Variants in DOP1B observed in about 807,000 individuals in gnomAD.
DOP1B encodes the protein DOP1 leucine zipper like protein B, also known as protein DOP1B.
Under a neutral mutation model 233.5 loss-of-function variants are expected in DOP1B, and 174 were observed. That is an observed-to-expected ratio of 0.75 (90% CI 0.66 to 0.85). The LOEUF (loss-of-function observed/expected upper bound fraction) is 0.85. DOP1B is among the 40% of genes least tolerant of loss of function. DOP1B has a pLI of 0.00. For synonymous variants in DOP1B, 1,190 were observed against 1,185.6 expected (o/e 1.00, Z -0.08); for missense variants, 2,652 against 2,846.6 (o/e 0.93, Z 1.56).
chr21:36,260,889 C>G (rs2067161838), intron 24 of DOP1B, 157 bp downstream of exon 24: 2 of 1,454,160 alleles, frequency 1.4e-6, no homozygotes, highest in Non-Finnish European at 1.8e-6. Flanking sequence ...AGGTATTGAT[C>G]TATGCTTTTC....
intron 26 of DOP1B, among the ~76,000 whole-genome samples, chr21:36,265,409 CA>C (rs3838086): frequency 0.17 from 26,446 of 152,038 alleles, 3,216 homozygotes; most frequent in African/African-American, 0.33. Flanking sequence ...AAACAAAAAA[CA>C]AAAAAACAAA....
In DOP1B at chr21:36,245,607, G is replaced by C. The variant is rs769862800; in HGVS notation, c.3627G>C (p.Arg1209Ser). 6 of 1,613,368 alleles carry C rather than the reference G, an allele frequency of 3.7e-6. No individual in the cohort carries two copies. Among genetic ancestry groups the C allele is most frequent in the Non-Finnish European group, 5.1e-6 (6 of 1,179,856 alleles). ...AGCTCCAGGCCCTCACCACATCCAG[G>C]CTGCTAAAGCAGCAGCGGGAAAGGC... The part of the protein sequence containing the change: ...DLELQALTTS[R>S]LLKQQRERQE... The change falls in exon 19 of 37, where the codon AGG becomes AGC. Residue 1209 changes from arginine to serine, a missense_variant. Physicochemically the swap from Arg to Ser is moderately radical, Grantham distance 110. This residue lies in a region of DOP1B where 2,617 missense variants were observed against 2,794.3 expected (regional missense o/e 0.94). Transcript: ENST00000691173. This position sits in a 1 kb window ranked among gnomAD's most constrained non-coding sequence, Gnocchi z 5.5.
At chr21:36,241,355 C>T (rs2066889372) in intron 18 of DOP1B, among the ~76,000 whole-genome samples, 1 of 151,772 alleles carries the variant, frequency 6.6e-6, no homozygotes, top group Non-Finnish European at 1.5e-5. Flanking sequence ...ACTTCAAAGA[C>T]AGTTATAAGC....
At chr21:36,209,527 G>A (rs951658239) in intron 5 of DOP1B, among the ~76,000 whole-genome samples, 18 of 152,288 alleles carry the variant, frequency 1.2e-4, no homozygotes, top group African/African-American at 3.8e-4. Flanking sequence ...CTGCATTGGC[G>A]GGTCTTTGTT....
intron 1 of DOP1B, among the ~76,000 whole-genome samples, chr21:36,163,411 G>A (rs946106842): frequency 4.6e-5 from 7 of 151,690 alleles, no homozygotes; most frequent in Admixed American, 4.6e-4. Context: ...GGTCTGGAGT[G>A]ATCGGAAATT....
intron 2 of DOP1B, among the ~76,000 whole-genome samples, chr21:36,186,216 G>A (rs397835330): frequency 6.8e-5 from 10 of 148,096 alleles, no homozygotes; most frequent in African/African-American, 2.3e-4. Context: ...AAAAAAAAAA[G>A]AAGTAATTTT....
At chr21:36,262,233 C>T (rs1200832888) in intron 24 of DOP1B, among the ~76,000 whole-genome samples, 2 of 152,156 alleles carry the variant, frequency 1.3e-5, no homozygotes, top group Non-Finnish European at 2.9e-5. Context: ...ATATATATTG[C>T]GTTGCTGGCG....
At chr21:36,290,973 A>C (rs1601488501) in intron 35 of DOP1B, among the ~76,000 whole-genome samples, 1 of 147,314 alleles carries the variant, frequency 6.8e-6, no homozygotes, top group African/African-American at 2.5e-5. Flanking sequence ...CCCCCTCAAA[A>C]AAAAAAGAGG....
At chr21:36,256,635 C>T (rs111866361) in intron 23 of DOP1B, among the ~76,000 whole-genome samples, 4,572 of 152,046 alleles carry the variant, frequency 0.03, 221 homozygotes, top group African/African-American at 0.1. Flanking sequence ...TACTCAGCCT[C>T]GAGAGGAATG....
chr21:36,293,706 G>T lies in DOP1B; in HGVS notation c.*135G>T. The T allele has an allele frequency of 9.5e-7, 1 of 1,050,954 alleles. No homozygotes were observed. Among genetic ancestry groups the T allele is most frequent in the Non-Finnish European group, 1.4e-6 (1 of 724,422 alleles). The allele number at this position is 1,050,954 out of a possible 1,614,324, so 65.1% of individuals were successfully genotyped here. On this transcript the variant is annotated 3_prime_UTR_variant, in exon 37 of 37. Coordinates refer to ENST00000691173, the MANE Select transcript of DOP1B (RefSeq NM_001320714.2). ...CATTTTGAAAGTAGATTTCAGGCTA[G>T]GTGCGGTGGCTCACACCTGTAATCT...
At chr21:36,182,445 G>A (rs2066110593) in intron 2 of DOP1B, among the ~76,000 whole-genome samples, 1 of 152,108 alleles carries the variant, frequency 6.6e-6, no homozygotes, top group Non-Finnish European at 1.5e-5. Context: ...GAGATATGGC[G>A]GGAAGGCTGC....
Position 36,245,590 on chromosome 21 carries a change from G to A in DOP1B, c.3610G>A (p.Ala1204Thr). ...CGAGGAGGCGGACTTGGAGCTCCAG[G>A]CCCTCACCACATCCAGGCTGCTAAA... is the stretch of plus-strand genomic sequence containing the variant. The part of the protein sequence containing the change: ...SDEEADLELQ[A>T]LTTSRLLKQQ... The change falls in exon 19 of 37, where the codon GCC (alanine) becomes ACC (threonine). Residue 1204 changes from alanine (A) to threonine (T), a missense_variant. This residue lies in a region of DOP1B where 2,617 missense variants were observed against 2,794.3 expected (regional missense o/e 0.94). Transcript: ENST00000691173. This position sits in a 1 kb window ranked among gnomAD's most constrained non-coding sequence, Gnocchi z 5.5. 6.2e-7 allele frequency: 1 copy of A among 1,613,334 alleles called. No individual in the cohort carries two copies. Among genetic ancestry groups the A allele is most frequent in the Non-Finnish European group, 8.5e-7 (1 of 1,179,904 alleles).
intron 32 of DOP1B, among the ~76,000 whole-genome samples, chr21:36,283,936 CTTTTTTTTTTTT>C (rs547999186): frequency 6.9e-5 from 7 of 100,998 alleles, no homozygotes; most frequent in African/African-American, 2.4e-4. Context: ...ACACCTGTTC[CTTTTTTTTTTTT>C]TTTTTTTTTT....
chr21:36,280,371 A>C, intron 31 of DOP1B, 25 bp downstream of exon 31: 1 of 1,535,612 alleles, frequency 6.5e-7, no homozygotes, highest in Non-Finnish European at 9.0e-7. Context: ...ACTTTTGCAT[A>C]ACTCACACTT....
chr21:36,236,418 C>G (rs1425342578), intron 15 of DOP1B, among the ~76,000 whole-genome samples: 1 of 152,240 alleles, frequency 6.6e-6, no homozygotes, highest in African/African-American at 2.4e-5. Flanking sequence ...GTAGGCGTGG[C>G]TCTTTATCCA....
intron 23 of DOP1B, among the ~76,000 whole-genome samples, chr21:36,260,116 A>G (rs568818491): frequency 6.7e-6 from 1 of 149,854 alleles, no homozygotes; most frequent in South Asian, 2.1e-4. Context: ...AGATTGCACC[A>G]GTGTACTCCA....
chr21:36,203,074 T>C (rs1380682776), intron 4 of DOP1B, among the ~76,000 whole-genome samples: 2 of 152,282 alleles, frequency 1.3e-5, no homozygotes, highest in Non-Finnish European at 2.9e-5. Flanking sequence ...TGGAGTGTTT[T>C]TGTTTTCTTA....
At position 36,200,966 on chromosome 21, in the gene DOP1B, CTT is replaced by C. The variant is rs137972998; in HGVS notation, c.491+466_491+467del. Among the ~76,000 whole-genome samples the C allele has an allele frequency of 5.7e-3, 875 of 152,260 alleles. 7 individuals carry two copies. Among genetic ancestry groups the C allele is most frequent in the African/African-American group, 0.02 (832 of 41,532 alleles). On this transcript the variant is annotated intron_variant, in intron 4 of 36. Transcript: ENST00000691173. ...TTTCAAATTCCTCCCGGGAATCTCT[CTT>C]GTCTCTTTACCAAAGGGGAAGTCCC...
intron 17 of DOP1B, 113 bp downstream of exon 17, chr21:36,238,814 C>A (rs2066856925): frequency 1.5e-5 from 15 of 1,007,802 alleles, no homozygotes; most frequent in South Asian, 2.8e-5. Context: ...AAAACATGAA[C>A]CCATATGACC....
Sources: gnomAD v4.1 joint callset for allele counts (sites outside exome capture counted in the v4.1 genomes callset) on GRCh38, gnomAD v4.1.1 for gene constraint, gnomAD v4.1.1 regional missense constraint, Gnocchi (gnomAD v3.1) non-coding constraint, MANE v1.5 for transcripts, NCBI Gene and HGNC (gene_info 2026-07-23, HGNC 2026-07-21) for gene names.